The following PLCG2 variants were observed in gnomAD, a reference collection of about 807,000 sequenced individuals.
PLCG2 encodes 1-phosphatidylinositol 4,5-bisphosphate phosphodiesterase gamma-2.
A neutral mutation model predicts 175.6 loss-of-function variants in PLCG2; 69 were observed. The ratio of observed to expected loss-of-function variants is 0.39; its 90% confidence interval spans 0.32 to 0.48. The LOEUF (loss-of-function observed/expected upper bound fraction) is 0.48, where lower values mean the gene tolerates loss of function less well. Among genes scored for constraint, PLCG2 ranks in the 20% least tolerant of loss-of-function variants. The pLI is 0.91. For missense variants in PLCG2, 1,798 were observed against 1,650.9 expected (o/e 1.09, Z -1.54); for synonymous variants, 827 against 624.0 (o/e 1.33, Z -4.85).
At chr16:81,756,629 G>T (rs1390623161) in intron 2 of PLCG2, among the ~76,000 whole-genome samples, 1 of 152,202 alleles carries the variant, frequency 6.6e-6, no homozygotes, top group Admixed American at 6.5e-5. Flanking sequence ...CTAAGTGAGA[G>T]GTACCAGGTC....
intron 2 of PLCG2, among the ~76,000 whole-genome samples, chr16:81,824,697 C>A (rs143731879): frequency 6.6e-6 from 1 of 152,232 alleles, no homozygotes; most frequent in African/African-American, 2.4e-5. Context: ...CCTCTCGTAG[C>A]TGCCATGTGA....
chr16:81,951,862 AG>A (rs1911379348), intron 31 of PLCG2, among the ~76,000 whole-genome samples: 1 of 152,266 alleles, frequency 6.6e-6, no homozygotes, highest in African/African-American at 2.4e-5. Flanking sequence ...GTATAATTTT[AG>A]AAAAAAGGTC....
chr16:81,824,975 C>T (rs542359757), intron 2 of PLCG2, among the ~76,000 whole-genome samples: 2 of 152,288 alleles, frequency 1.3e-5, no homozygotes, highest in Non-Finnish European at 2.9e-5. Flanking sequence ...GAGCAGGATT[C>T]TGGCTTTGAA....
rs148784601 is a variant in PLCG2, at chr16:81,762,992, G to C, written c.-48+7026G>C. On this transcript the variant is annotated intron_variant, in intron 2 of 5. Transcript: ENST00000565054. ...GGATCCCTTAAGCCCAGGAGTTAAA[G>C]GCTGCAGTGAGATATGATCATGCCA... Among the ~76,000 whole-genome samples, 1,267 of 152,316 alleles carry C rather than the reference G, an allele frequency of 8.3e-3. 20 individuals carry two copies. Among genetic ancestry groups the C allele is most frequent in the African/African-American group, 0.028 (1,183 of 41,560 alleles).
chr16:81,887,047 G>T (rs9938365), intron 9 of PLCG2, among the ~76,000 whole-genome samples: 2 of 151,794 alleles, frequency 1.3e-5, no homozygotes, highest in African/African-American at 2.4e-5. Context: ...TTTGATAAAT[G>T]CAAAAACTTT....
At chr16:81,944,538 C>T (rs369715245) in intron 30 of PLCG2, among the ~76,000 whole-genome samples, 200 of 152,328 alleles carry the variant, frequency 1.3e-3, no homozygotes, top group Non-Finnish European at 2.3e-3. Flanking sequence ...GATCATAGCT[C>T]ATGGCAGCCT....
chr16:81,892,623 AC>A (rs1908689461), intron 11 of PLCG2, among the ~76,000 whole-genome samples: 1 of 151,204 alleles, frequency 6.6e-6, no homozygotes, highest in Non-Finnish European at 1.5e-5. Context: ...ATTCTAGAAA[AC>A]CTAGAAGACA....
intron 29 of PLCG2, among the ~76,000 whole-genome samples, chr16:81,939,447 A>G (rs186889553): frequency 6.6e-6 from 1 of 152,288 alleles, no homozygotes; most frequent in Admixed American, 6.5e-5. Context: ...GATGCTGACC[A>G]AATAAACTGG....
At chr16:81,898,824 C>T (rs573400618) in intron 13 of PLCG2, among the ~76,000 whole-genome samples, 17 of 152,038 alleles carry the variant, frequency 1.1e-4, no homozygotes, top group African/African-American at 4.1e-4. Flanking sequence ...TTAAGAGATA[C>T]CTGTGGGGGA....
intron 2 of PLCG2, among the ~76,000 whole-genome samples, chr16:81,759,998 C>T (rs931575662): frequency 2.6e-5 from 4 of 152,106 alleles, no homozygotes; most frequent in African/African-American, 4.8e-5. Context: ...TGGTGGCGGG[C>T]GCCTGTAGTC....
intron 21 of PLCG2, chr16:81,921,693 T>C (rs13331678): frequency 0.07 from 18,487 of 264,712 alleles, 997 homozygotes; most frequent in African/African-American, 0.17. Context: ...TGGATTTTAC[T>C]TTCAGCCCTC....
At position 81,892,561 on chromosome 16, in the gene PLCG2, T is replaced by A. The variant is rs143855309; in HGVS notation, c.986+971T>A. Among the ~76,000 whole-genome samples, 5 of 152,252 alleles carry A rather than the reference T, an allele frequency of 3.3e-5. No individual in the cohort carries two copies. The East Asian group carries it at 7.7e-4, about 24-fold the overall frequency. ...CAGGGGGAAATTGATTTCACAGTTC[T>A]CTCTTCCCCACCATGCCCATCATTT... On this transcript the variant is annotated intron_variant, in intron 11 of 32. Coordinates refer to ENST00000564138, the MANE Select transcript of PLCG2 (RefSeq NM_002661.5).
chr16:81,940,186 G>A (rs1038046150), intron 30 of PLCG2, 127 bp downstream of exon 30: 17 of 777,276 alleles, frequency 2.2e-5, no homozygotes, highest in Middle Eastern at 2.6e-4. Flanking sequence ...AACCGATTGG[G>A]TGGCTTGGAG....
At chr16:81,810,807 G>A (rs913993812) in intron 2 of PLCG2, among the ~76,000 whole-genome samples, 2 of 152,026 alleles carry the variant, frequency 1.3e-5, no homozygotes, top group Admixed American at 6.6e-5. Context: ...AAGGAGACAG[G>A]GTCTTTAATT....
At chr16:81,878,529 C>G (rs1452063727) in intron 7 of PLCG2, among the ~76,000 whole-genome samples, 1 of 152,192 alleles carries the variant, frequency 6.6e-6, no homozygotes. Context: ...CTGTCAACTA[C>G]AGCCCCATTT....
intron 32 of PLCG2, among the ~76,000 whole-genome samples, chr16:81,957,349 G>C (rs1463554633): frequency 2.0e-5 from 3 of 152,142 alleles, no homozygotes; most frequent in African/African-American, 4.8e-5. Context: ...CTTGACTCTA[G>C]TTCTCTTTGT....
At chr16:81,746,450 A>G (rs1909709166) in intron 1 of PLCG2, among the ~76,000 whole-genome samples, 1 of 152,234 alleles carries the variant, frequency 6.6e-6, no homozygotes, top group South Asian at 2.1e-4. Context: ...GTGAGCACCC[A>G]CAGTGGTGCC....
chr16:81,753,459 C>T (rs972415233), intron 1 of PLCG2, among the ~76,000 whole-genome samples: 1 of 146,204 alleles, frequency 6.8e-6, no homozygotes, highest in Non-Finnish European at 1.5e-5. Flanking sequence ...CACTCTGTTG[C>T]CCAAGCTGGA....
At chr16:81,935,668 T>A in intron 26 of PLCG2, 2 of 985,364 alleles carry the variant, frequency 2.0e-6, no homozygotes, top group Non-Finnish European at 2.4e-6. Flanking sequence ...CACAGCTGGA[T>A]GGGAGAGAAG....
Sources: gnomAD v4.1 joint callset for allele counts (sites outside exome capture counted in the v4.1 genomes callset) on GRCh38, gnomAD v4.1.1 for gene constraint, MANE v1.5 for transcripts, NCBI Gene and HGNC (gene_info 2026-07-23, HGNC 2026-07-21) for gene names.